The following TECTA variants were observed in gnomAD, a reference collection of about 807,000 sequenced individuals.
TECTA encodes alpha-tectorin.
Under a neutral mutation model 216.8 loss-of-function variants are expected in TECTA, and 128 were observed. The ratio of observed to expected loss-of-function variants is 0.59; its 90% CI spans 0.51 to 0.68. TECTA has a LOEUF of 0.68. Ranked by LOEUF, TECTA falls within the 30% of genes least tolerant of loss-of-function variation. TECTA has a pLI of 0.00. For missense variants in TECTA, 2,551 were observed against 2,786.2 expected (o/e 0.92, Z 1.90); for synonymous variants, 1,089 against 1,117.1 (o/e 0.97, Z 0.50).
chr11:121,125,382 C>T lies in TECTA; in HGVS notation c.1284C>T (p.Ala428=), dbSNP rs751911555. The part of the protein sequence containing the change: ...VKIYQSGIST[A]VETDFGLLVT... ...TCTACCAGAGTGGCATATCTACTGC[C>T]GTGGAAACAGATTTTGGGCTCTTAG... The change falls in exon 8 of 24, where the codon GCC becomes GCT. Residue 428 remains alanine, a synonymous_variant. Transcript: ENST00000392793. 44 of 1,614,106 alleles carry T rather than the reference C, an allele frequency of 2.7e-5. No homozygotes were observed. Among genetic ancestry groups the T allele is most frequent in the African/African-American group, 1.2e-4 (9 of 74,940 alleles).
intron 3 of TECTA, among the ~76,000 whole-genome samples, chr11:121,106,940 T>G (rs1291546336): frequency 2.6e-5 from 4 of 152,180 alleles, no homozygotes; most frequent in Non-Finnish European, 5.9e-5. Context: ...GTAATCTGTG[T>G]TTTAATGAGT....
rs1181423439 is a variant in TECTA at position 121,130,167 on chromosome 11, A to C, written c.2897A>C (p.Asn966Thr). 2 of 1,604,776 alleles carry C rather than the reference A, an allele frequency of 1.2e-6. No individual in the cohort carries two copies. The highest frequency in any genetic ancestry group is 2.7e-5 in the African/African-American group (2 of 74,918). ...SVARYASACKNADVEVGPWRT... is the reference protein window; with the variant it reads ...SVARYASACKTADVEVGPWRT... ...GCCCGGTATGCAAGCGCCTGCAAGA[A>C]TGCGGACGTGGAGGTGGGGCCCTGG... Residue 966 changes from asparagine (N) to threonine (T), a missense_variant, in exon 10 of 24, where the codon AAT (asparagine) becomes ACT (threonine). By Grantham distance (65) the Asn-to-Thr change is moderately conservative. Around this residue, in one of 3 missense-constraint regions of TECTA, gnomAD observed 2,375 missense variants for 2,563.9 expected, o/e 0.93. Coordinates refer to ENST00000392793, the MANE Select transcript of TECTA (RefSeq NM_005422.4).
intron 7 of TECTA, among the ~76,000 whole-genome samples, chr11:121,120,753 G>A (rs774257421): frequency 6.6e-5 from 10 of 152,230 alleles, no homozygotes; most frequent in African/African-American, 9.6e-5. Flanking sequence ...TAGAAAAAGC[G>A]CCTCCTTCTA....
intron 12 of TECTA, among the ~76,000 whole-genome samples, chr11:121,146,852 C>A (rs1946843149): frequency 6.6e-6 from 1 of 152,174 alleles, no homozygotes. Flanking sequence ...CCATGCTAAA[C>A]GTTTTATCAA....
chr11:121,102,708 T>C lies in TECTA; in HGVS notation c.43T>C (p.Phe15Leu). The change falls in exon 2 of 24, where the codon TTC (phenylalanine) becomes CTC (leucine). Residue 15 changes from phenylalanine to leucine, a missense_variant. By Grantham distance (22) the Phe-to-Leu change is conservative. Transcript: ENST00000392793. ...SFLRIWVSFI[F>L]ALVQHQAQPR... ...CCTTAGAATTTGGGTCTCTTTCATC[T>C]TCGCACTTGTACAGCACCAAGGTGA... 1 of 1,613,922 alleles carries C rather than the reference T, an allele frequency of 6.2e-7. No individual in the cohort carries two copies. Among genetic ancestry groups the C allele is most frequent in the South Asian group, 1.1e-5 (1 of 91,082 alleles).
Position 121,145,984 on chromosome 11 carries a change from A to G in TECTA, c.3973A>G (p.Lys1325Glu), listed in dbSNP as rs1946832256. The change falls in exon 12 of 24, where the codon AAG (lysine) becomes GAG (glutamate). Residue 1325 changes from lysine to glutamate, a missense_variant. Around this residue, in one of 3 missense-constraint regions of TECTA, gnomAD observed 2,375 missense variants for 2,563.9 expected, o/e 0.93. Coordinates refer to ENST00000392793, the MANE Select transcript of TECTA (RefSeq NM_005422.4). ...CAAAGTTAACCCCACCTTCTTCTAT[A>G]AGAACTGCCTGTTTGACTCTTGCAT... ...HSKVNPTFFY[K>E]NCLFDSCIDG... 3 of 1,614,120 alleles carry G rather than the reference A, an allele frequency of 1.9e-6. No individual in the cohort carries two copies. Among genetic ancestry groups the G allele is most frequent in the Non-Finnish European group, 2.5e-6 (3 of 1,180,058 alleles).
chr11:121,145,465 G>T, intron 11 of TECTA, 90 bp from the exon 12 acceptor site: 1 of 1,389,306 alleles, frequency 7.2e-7, no homozygotes, highest in Non-Finnish European at 1.0e-6. Context: ...TTCCCTCTGG[G>T]ACTTGTCTTT....
At position 121,187,797 on chromosome 11, in the gene TECTA, T is replaced by A. The variant is rs757268968; in HGVS notation, c.6000-35T>A. ...AGGATTAAGGTGTAAGAGGAAAACA[T>A]GTGAAGCAAAGATTCCATTATTTTT... On this transcript the variant is annotated intron_variant, in intron 20 of 23. Coordinates refer to ENST00000392793, the MANE Select transcript of TECTA (RefSeq NM_005422.4). 6 of 1,613,482 alleles carry A rather than the reference T, an allele frequency of 3.7e-6. No homozygotes were observed. In the East Asian group the frequency reaches 1.3e-4, roughly 36 times the overall value.
intron 10 of TECTA, among the ~76,000 whole-genome samples, chr11:121,133,777 C>T (rs1413154237): frequency 6.6e-6 from 1 of 152,164 alleles, no homozygotes; most frequent in Non-Finnish European, 1.5e-5. Context: ...TCCAGCCTCC[C>T]CTCATTGGTG....
intron 20 of TECTA, among the ~76,000 whole-genome samples, chr11:121,182,788 A>G (rs558020662): frequency 2.6e-5 from 4 of 152,064 alleles, no homozygotes; most frequent in African/African-American, 2.4e-5. Context: ...GAAGATGTGT[A>G]TGGGAGCCAG....
chr11:121,132,554 GGAGA>G (rs1157044141), intron 10 of TECTA, among the ~76,000 whole-genome samples: 1 of 152,072 alleles, frequency 6.6e-6, no homozygotes, highest in East Asian at 1.9e-4. Flanking sequence ...ATTCCTTAGT[GGAGA>G]GAGTGAGGAA....
At chr11:121,180,485 T>C (rs947505055) in intron 20 of TECTA, among the ~76,000 whole-genome samples, 3 of 152,228 alleles carry the variant, frequency 2.0e-5, no homozygotes, top group Non-Finnish European at 2.9e-5. Flanking sequence ...AGAGATCTGC[T>C]GTTGGTCTGA....
intron 11 of TECTA, among the ~76,000 whole-genome samples, chr11:121,142,845 T>G (rs1565528479): frequency 6.6e-6 from 1 of 152,182 alleles, no homozygotes; most frequent in African/African-American, 2.4e-5. Flanking sequence ...CACCTCTTTG[T>G]TGCCTTCCCT....
At chr11:121,111,165 T>A (rs1380124902) in intron 4 of TECTA, among the ~76,000 whole-genome samples, 2 of 152,340 alleles carry the variant, frequency 1.3e-5, no homozygotes, top group African/African-American at 4.8e-5. Flanking sequence ...GGGTTTACTA[T>A]GTGTCTGGTG....
rs561480200 is a variant in TECTA, at chr11:121,140,260, C to T, written c.3543+2238C>T. ...TTTCATGTATAGACTGTGGGGTCCT[C>T]GTGAGCACCTACTCTTCTTTCATGC... On this transcript the variant is annotated intron_variant, in intron 11 of 23. Coordinates refer to ENST00000392793, the MANE Select transcript of TECTA (RefSeq NM_005422.4). Among the ~76,000 whole-genome samples the T allele has an allele frequency of 1.3e-3, 205 of 152,266 alleles. 1 individual carries two copies. The highest frequency in any genetic ancestry group is 4.6e-3 in the African/African-American group (190 of 41,532).
rs140393508 is a variant in TECTA at position 121,102,698 on chromosome 11, C to A, written c.33C>A (p.Val11=). The change falls in exon 2 of 24, where the codon GTC becomes GTA. Residue 11 remains valine (V), a synonymous_variant. Coordinates refer to ENST00000392793, the MANE Select transcript of TECTA (RefSeq NM_005422.4). MNYSSFLRIW[V]SFIFALVQHQ... ...ATTCATCATTCCTTAGAATTTGGGT[C>A]TCTTTCATCTTCGCACTTGTACAGC... The A allele has an allele frequency of 1.6e-4, 263 of 1,613,604 alleles. 2 individuals are homozygous for A. The highest frequency in any genetic ancestry group is 3.3e-4 in the Middle Eastern group (2 of 6,078).
chr11:121,134,325 C>CCACACACACA (rs6144537), intron 10 of TECTA, among the ~76,000 whole-genome samples: 80 of 146,942 alleles, frequency 5.4e-4, no homozygotes, highest in African/African-American at 1.5e-3. Context: ...AAAACCAACA[C>CCACACACACA]CACACACACA....
At chr11:121,151,539 T>C (rs771844974) in intron 12 of TECTA, among the ~76,000 whole-genome samples, 1 of 151,900 alleles carries the variant, frequency 6.6e-6, no homozygotes, top group Non-Finnish European at 1.5e-5. Flanking sequence ...CTTATGTGCA[T>C]ACACACACAC....
chr11:121,184,669 A>T (rs1175872443), intron 20 of TECTA, among the ~76,000 whole-genome samples: 1 of 152,250 alleles, frequency 6.6e-6, no homozygotes, highest in Non-Finnish European at 1.5e-5. Context: ...ACTCAAGGTC[A>T]CACAACTATC....
Sources: gnomAD v4.1 joint callset for allele counts (sites outside exome capture counted in the v4.1 genomes callset) on GRCh38, gnomAD v4.1.1 for gene constraint, gnomAD v4.1.1 regional missense constraint, MANE v1.5 for transcripts, NCBI Gene and HGNC (gene_info 2026-07-23, HGNC 2026-07-21) for gene names.